Variants in CLASP1 observed in about 807,000 individuals in gnomAD.
CLASP1 encodes the protein CLIP-associating protein 1.
Under a neutral mutation model 192.3 loss-of-function variants are expected in CLASP1, and 38 were observed. That is an observed-to-expected ratio of 0.20 (90% CI 0.15 to 0.26). CLASP1 has a LOEUF of 0.26. CLASP1 is among the 10% of genes least tolerant of loss of function. The probability of loss-of-function intolerance (pLI) is 1.00; values close to 1 mark genes in which losing one functional copy is unlikely to be tolerated. For synonymous variants in CLASP1, 691 were observed against 712.8 expected, an observed-to-expected ratio of 0.97 and a Z score of 0.49; for missense variants, 1,433 against 1,932.5, an observed-to-expected ratio of 0.74 and a Z score of 4.85.
chr2:121,461,710 T>A (rs1458420286), intron 10 of CLASP1, among the ~76,000 whole-genome samples: 1 of 152,136 alleles, frequency 6.6e-6, no homozygotes, highest in Non-Finnish European at 1.5e-5. Context: ...ACACTGGGAA[T>A]CACTCTGTCG....
In CLASP1 at chr2:121,363,182, G is replaced by A. The variant is rs373992151; in HGVS notation, c.4196C>T (p.Ser1399Phe). 4.3e-6 allele frequency: 7 copies of A among 1,613,970 alleles called. No homozygotes were observed. In the South Asian group the frequency reaches 7.7e-5, roughly 18 times the overall value. Residue 1399 changes from serine (S) to phenylalanine (F), a missense_variant, in exon 37 of 40, where the codon TCC becomes TTC. Coordinates refer to ENST00000263710, the Ensembl canonical transcript of CLASP1. ...ACATGACTGACTCACCTCCTTATGG[G>A]AGTCTTTGTGGGCTTCCAGAGTCTT...
At chr2:121,622,325 C>T (rs2067503898) in intron 1 of CLASP1, among the ~76,000 whole-genome samples, 1 of 151,858 alleles carries the variant, frequency 6.6e-6, no homozygotes, top group Non-Finnish European at 1.5e-5. Flanking sequence ...AATCCCAGCA[C>T]TTTGGGAGGT....
At chr2:121,635,994 G>A (rs1288852070) in intron 1 of CLASP1, among the ~76,000 whole-genome samples, 5 of 152,122 alleles carry the variant, frequency 3.3e-5, no homozygotes, top group African/African-American at 1.2e-4. Context: ...TTGAGCCCAG[G>A]AGTTTGAGAT....
chr2:121,373,713 C>T (rs2069283336), intron 34 of CLASP1, among the ~76,000 whole-genome samples: 1 of 152,214 alleles, frequency 6.6e-6, no homozygotes, highest in Non-Finnish European at 1.5e-5. Flanking sequence ...CACTGTGCCC[C>T]TGCCCTACAG....
chr2:121,643,556 T>C lies in CLASP1; in HGVS notation c.-286+5816A>G, dbSNP rs1228659872. On this transcript the variant is annotated intron_variant, in intron 1 of 39. Transcript: ENST00000263710. ...AAGACTTGGAAGGGAACAAAGATTA[T>C]GACTGTAAAAGTGCATTAAAAATCA... Among the ~76,000 whole-genome samples the C allele has an allele frequency of 2.6e-5, 4 of 152,268 alleles. No homozygotes were observed. The East Asian group carries it at 5.8e-4, about 22-fold the overall frequency.
At chr2:121,637,440 C>T (rs1374734753) in intron 1 of CLASP1, among the ~76,000 whole-genome samples, 1 of 152,078 alleles carries the variant, frequency 6.6e-6, no homozygotes, top group African/African-American at 2.4e-5. Context: ...CTACCTCACA[C>T]CATGTACAAA....
intron 2 of CLASP1, among the ~76,000 whole-genome samples, chr2:121,531,434 A>C (rs1169487905): frequency 6.6e-6 from 1 of 151,220 alleles, no homozygotes; most frequent in African/African-American, 2.4e-5. Flanking sequence ...TCTCTCCTAA[A>C]AATACAAAAA....
chr2:121,617,178 A>G (rs571733658), intron 1 of CLASP1, among the ~76,000 whole-genome samples: 14 of 151,504 alleles, frequency 9.2e-5, no homozygotes, highest in Admixed American at 9.2e-4. Context: ...GCAGACTCAC[A>G]CTCCAGTCTC....
At position 121,384,964 on chromosome 2, in the gene CLASP1, C is replaced by G. The variant is rs911068632; in HGVS notation, c.3374+2158G>C. ...CCCCTACAGAATAAAATAACACTGTCTGGTCAAGATAACTCAAAGAAATGG... is the reference window on the plus strand; with the variant it reads ...CCCCTACAGAATAAAATAACACTGTGTGGTCAAGATAACTCAAAGAAATGG... On this transcript the variant is annotated intron_variant, in intron 32 of 39. Coordinates refer to ENST00000263710, the Ensembl canonical transcript of CLASP1. Among the ~76,000 whole-genome samples, 4 of 152,064 alleles carry G rather than the reference C, an allele frequency of 2.6e-5. No homozygotes were observed. The East Asian group carries it at 5.8e-4, about 22-fold the overall frequency.
intron 38 of CLASP1, 116 bp from the exon 40 acceptor site, chr2:121,347,270 A>G: frequency 1.4e-6 from 1 of 709,450 alleles, no homozygotes; most frequent in Non-Finnish European, 2.5e-6. Flanking sequence ...ACTTGTCAGT[A>G]ACAACCAGGA....
chr2:121,450,196 G>C (rs2085162899), intron 16 of CLASP1, among the ~76,000 whole-genome samples: 1 of 151,932 alleles, frequency 6.6e-6, no homozygotes, highest in Non-Finnish European at 1.5e-5. Context: ...CCAGGCGTGA[G>C]GGCAGGCGCC....
intron 2 of CLASP1, among the ~76,000 whole-genome samples, chr2:121,579,585 T>C (rs931095736): frequency 2.0e-5 from 3 of 152,234 alleles, no homozygotes; most frequent in Non-Finnish European, 4.4e-5. Context: ...CATTCATTCT[T>C]GAGTCAAAGG....
chr2:121,370,657 G>A (rs2068450851), intron 34 of CLASP1, among the ~76,000 whole-genome samples: 1 of 152,030 alleles, frequency 6.6e-6, no homozygotes, highest in Admixed American at 6.5e-5. Context: ...CCCTAGCTTT[G>A]CTGCTCGAGG....
chr2:121,413,719 T>C (rs1343314007), intron 23 of CLASP1, among the ~76,000 whole-genome samples: 1 of 152,230 alleles, frequency 6.6e-6, no homozygotes, highest in African/African-American at 2.4e-5. Context: ...ACCTTAAAAA[T>C]GTGAACTTGA....
At chr2:121,633,320 CTA>C (rs2070162097) in intron 1 of CLASP1, among the ~76,000 whole-genome samples, 1 of 152,076 alleles carries the variant, frequency 6.6e-6, no homozygotes, top group African/African-American at 2.4e-5. Context: ...CTTAAAACTT[CTA>C]TGTTCAATAA....
At chr2:121,431,588 T>C (rs1269082186) in intron 19 of CLASP1, among the ~76,000 whole-genome samples, 1 of 152,154 alleles carries the variant, frequency 6.6e-6, no homozygotes, top group Non-Finnish European at 1.5e-5. Context: ...ATTCTTAAAC[T>C]CATTATAAAA....
chr2:121,478,674 C>CACCACACACACACAA (rs1559365542), intron 8 of CLASP1, among the ~76,000 whole-genome samples: 1 of 86,074 alleles, frequency 1.2e-5, no homozygotes, highest in African/African-American at 4.5e-5. Context: ...CCCACACACA[C>CACCACACACACACAA]CACACACACA....
intron 2 of CLASP1, among the ~76,000 whole-genome samples, chr2:121,567,237 C>T (rs1429441165): frequency 6.6e-6 from 1 of 152,168 alleles, no homozygotes; most frequent in East Asian, 1.9e-4. Flanking sequence ...AGTCGAGCAC[C>T]GCTGTGGGCC....
chr2:121,499,413 G>A lies in CLASP1; in HGVS notation c.712+3754C>T, dbSNP rs149732103. Among the ~76,000 whole-genome samples the A allele has an allele frequency of 2.6e-5, 4 of 152,098 alleles. No individual in the cohort carries two copies. The East Asian group carries it at 7.7e-4, about 29-fold the overall frequency. On this transcript the variant is annotated intron_variant, in intron 8 of 39. Coordinates refer to ENST00000263710, the Ensembl canonical transcript of CLASP1. Reference sequence around the variant, plus strand: ...AATAGGACGCCAGAAACTGGGGGGAGAGGGGAATAGGGAGTAAGTGCTAAT... The same window carrying A: ...AATAGGACGCCAGAAACTGGGGGGAAAGGGGAATAGGGAGTAAGTGCTAAT...
Sources: allele counts gnomAD v4.1 joint callset (sites outside exome capture counted in the v4.1 genomes callset), GRCh38; gene constraint gnomAD v4.1.1; transcripts MANE v1.5; gene names NCBI Gene and HGNC (gene_info 2026-07-23, HGNC 2026-07-21).